The following SLC24A2 variants were observed in gnomAD, a reference collection of about 807,000 sequenced individuals.
SLC24A2 encodes the protein sodium/potassium/calcium exchanger 2.
A neutral mutation model predicts 62.0 loss-of-function variants in SLC24A2; 36 were observed. That is an observed-to-expected ratio of 0.58 (90% CI 0.44 to 0.77). SLC24A2 has a LOEUF of 0.77. Ranked by LOEUF, SLC24A2 falls within the 30% of genes least tolerant of loss-of-function variation. The probability of loss-of-function intolerance (pLI) is 0.00; values close to 1 mark genes in which losing one functional copy is unlikely to be tolerated. For synonymous variants in SLC24A2, 358 were observed against 294.0 expected (o/e 1.22, Z -2.23); for missense variants, 846 against 817.9 (o/e 1.03, Z -0.42).
At chr9:19,974,567 C>T in the SLC24A2 span, among the ~76,000 whole-genome samples, 1 of 152,094 alleles carries the variant, frequency 6.6e-6, no homozygotes, top group Non-Finnish European at 1.5e-5. Context: ...TTGCAACATC[C>T]TAGGGGGTCT....
the SLC24A2 span, among the ~76,000 whole-genome samples, chr9:20,251,247 T>C: frequency 6.6e-6 from 1 of 152,210 alleles, no homozygotes; most frequent in African/African-American, 2.4e-5. Flanking sequence ...TCTTAGGTGT[T>C]TCCTCTCAGC....
At chr9:20,089,310 T>C in the SLC24A2 span, among the ~76,000 whole-genome samples, 73 of 152,172 alleles carry the variant, frequency 4.8e-4, 1 homozygote, top group Non-Finnish European at 9.1e-4. Flanking sequence ...GGGAGGGCTA[T>C]CCAACCTGGG....
chr9:19,737,481 T>C (rs996775024), intron 2 of SLC24A2, among the ~76,000 whole-genome samples: 1 of 152,162 alleles, frequency 6.6e-6, no homozygotes, highest in African/African-American at 2.4e-5. Flanking sequence ...TTTTACAAAG[T>C]ATTTCCCATG....
At chr9:19,536,924 G>A (rs1289367050) in intron 8 of SLC24A2, among the ~76,000 whole-genome samples, 3 of 123,344 alleles carry the variant, frequency 2.4e-5, no homozygotes, top group Non-Finnish European at 5.0e-5. Flanking sequence ...TCTCATAGTG[G>A]TTTTGATTTG....
At chr9:19,545,462 G>T (rs746973876) in intron 8 of SLC24A2, among the ~76,000 whole-genome samples, 1 of 151,720 alleles carries the variant, frequency 6.6e-6, no homozygotes, top group African/African-American at 2.4e-5. Flanking sequence ...ATCCATTTTT[G>T]TTCCATTGCT....
At chr9:19,822,468 AC>A in the SLC24A2 span, among the ~76,000 whole-genome samples, 1 of 151,934 alleles carries the variant, frequency 6.6e-6, no homozygotes. Flanking sequence ...TGCTGGTCTT[AC>A]TCTCCCCACC....
intron 7 of SLC24A2, among the ~76,000 whole-genome samples, chr9:19,571,210 C>T (rs1431550436): frequency 6.6e-6 from 1 of 152,132 alleles, no homozygotes; most frequent in East Asian, 1.9e-4. Context: ...GCTGCTCTGC[C>T]AGCTCACTCT....
the SLC24A2 span, among the ~76,000 whole-genome samples, chr9:19,971,952 C>G: frequency 6.6e-6 from 1 of 152,152 alleles, no homozygotes. Context: ...TATTAAGTGA[C>G]CTTTGTCCTT....
the SLC24A2 span, among the ~76,000 whole-genome samples, chr9:19,962,534 T>G: frequency 6.6e-6 from 1 of 152,212 alleles, no homozygotes; most frequent in South Asian, 2.1e-4. Flanking sequence ...CCTCTTTTAT[T>G]TCATTGAGCA....
the SLC24A2 span, among the ~76,000 whole-genome samples, chr9:19,965,108 G>A: frequency 1.9e-4 from 29 of 152,238 alleles, no homozygotes; most frequent in African/African-American, 6.0e-4. Flanking sequence ...GAGAAAGAGC[G>A]TTGGAGGCAG....
At chr9:20,210,563 T>TCC in the SLC24A2 span, among the ~76,000 whole-genome samples, 1 of 144,078 alleles carries the variant, frequency 6.9e-6, no homozygotes, top group Non-Finnish European at 1.5e-5. Context: ...AAGCTCCGCC[T>TCC]CCCGGGTTCA....
the SLC24A2 span, among the ~76,000 whole-genome samples, chr9:19,826,278 T>C: frequency 6.6e-6 from 1 of 151,740 alleles, no homozygotes; most frequent in Non-Finnish European, 1.5e-5. Flanking sequence ...GTAGGGGAGT[T>C]ACCTTCTGTT....
At chr9:20,267,976 G>A in the SLC24A2 span, among the ~76,000 whole-genome samples, 2 of 151,978 alleles carry the variant, frequency 1.3e-5, no homozygotes, top group African/African-American at 4.8e-5. Flanking sequence ...GGGTTGCCTG[G>A]CCCCTACTTT....
chr9:19,705,997 T>C (rs1820503709), intron 2 of SLC24A2, among the ~76,000 whole-genome samples: 2 of 151,998 alleles, frequency 1.3e-5, no homozygotes, highest in South Asian at 4.2e-4. Flanking sequence ...TTGTTAACTT[T>C]CTGTCTCGTT....
intron 9 of SLC24A2, among the ~76,000 whole-genome samples, chr9:19,522,742 A>AAT (rs1328897347): frequency 6.6e-6 from 1 of 152,150 alleles, no homozygotes; most frequent in African/African-American, 2.4e-5. Flanking sequence ...GCAGGCTCTT[A>AAT]ATACTGATTT....
intron 7 of SLC24A2, among the ~76,000 whole-genome samples, chr9:19,555,314 C>G (rs1835029180): frequency 6.6e-6 from 1 of 152,178 alleles, no homozygotes; most frequent in African/African-American, 2.4e-5. Flanking sequence ...AAAAGTCAGA[C>G]CTCTTCTGAG....
chr9:20,005,573 AT>A, the SLC24A2 span, among the ~76,000 whole-genome samples: 1 of 151,876 alleles, frequency 6.6e-6, no homozygotes, highest in Admixed American at 6.6e-5. Context: ...AGACTCTAAA[AT>A]TTCATTTTTT....
At chr9:19,570,187 T>G (rs919819405) in intron 7 of SLC24A2, among the ~76,000 whole-genome samples, 1 of 152,244 alleles carries the variant, frequency 6.6e-6, no homozygotes, top group Non-Finnish European at 1.5e-5. Context: ...CCAACTTACC[T>G]TTTCTAGTGG....
At chr9:20,288,833 C>G in the SLC24A2 span, among the ~76,000 whole-genome samples, 1 of 152,010 alleles carries the variant, frequency 6.6e-6, no homozygotes, top group Admixed American at 6.5e-5. Flanking sequence ...CTGGCTGTCT[C>G]CTAGGATGCT....
Sources: allele counts gnomAD v4.1 joint callset (sites outside exome capture counted in the v4.1 genomes callset), GRCh38; gene constraint gnomAD v4.1.1; transcripts MANE v1.5; gene names NCBI Gene and HGNC (gene_info 2026-07-23, HGNC 2026-07-21).